Variants in SYT16 observed in about 807,000 individuals in gnomAD.
The protein encoded by SYT16 is synaptotagmin 16.
Under a neutral mutation model 61.4 loss-of-function variants are expected in SYT16, and 42 were observed. That is an observed-to-expected ratio of 0.68 (90% CI 0.53 to 0.89). SYT16 has a LOEUF of 0.89. SYT16 is among the 40% of genes least tolerant of loss of function. The pLI is 0.00. For missense variants in SYT16, 804 were observed against 807.3 expected (o/e 1.00, Z 0.05); for synonymous variants, 314 against 302.3 (o/e 1.04, Z -0.40).
intron 3 of SYT16, among the ~76,000 whole-genome samples, chr14:62,001,131 C>A (rs2140654816): frequency 6.6e-6 from 1 of 152,200 alleles, no homozygotes; most frequent in South Asian, 2.1e-4. Context: ...ATATTTACCT[C>A]ATTTATGCCA....
chr14:62,077,731 T>C (rs548488603), intron 5 of SYT16: 2 of 152,318 alleles, frequency 1.3e-5, no homozygotes, highest in Admixed American at 1.3e-4. Context: ...CATTCACAAA[T>C]CTTTTTCTCA....
At chr14:61,896,474 G>A (rs2048331504) in intron 1 of SYT16, among the ~76,000 whole-genome samples, 1 of 152,166 alleles carries the variant, frequency 6.6e-6, no homozygotes. Flanking sequence ...ACTAGTTGAA[G>A]GCTCAAGTAT....
rs1595430390 is a variant in SYT16 at position 62,108,596 on chromosome 14, T to G, written c.*7889T>G. 1 of 152,210 alleles carries G rather than the reference T, an allele frequency of 6.6e-6. No homozygotes were observed. Among genetic ancestry groups the G allele is most frequent in the East Asian group, 1.9e-4 (1 of 5,202 alleles). The allele number at this position is 152,210 out of a possible 1,614,324, so 9.4% of individuals were successfully genotyped here. The stretch of plus-strand genomic sequence containing the variant: ...ATTTCCTTGTGGGTTATGATAATCT[T>G]TATTAATTCACAACTCTACCAAATT... On this transcript the variant is annotated 3_prime_UTR_variant, in exon 8 of 8. Transcript: ENST00000683842.
intron 3 of SYT16, among the ~76,000 whole-genome samples, chr14:62,067,615 G>A (rs991408243): frequency 6.6e-6 from 1 of 152,218 alleles, no homozygotes; most frequent in Admixed American, 6.5e-5. Flanking sequence ...GTGTGTTGGT[G>A]AGGGTATGGA....
intron 3 of SYT16, among the ~76,000 whole-genome samples, chr14:62,008,029 A>G (rs1275806084): frequency 2.6e-5 from 4 of 152,054 alleles, no homozygotes; most frequent in Admixed American, 6.6e-5. Flanking sequence ...GGAACTACAA[A>G]ATCAATAAGG....
intron 2 of SYT16, among the ~76,000 whole-genome samples, chr14:61,974,130 G>C (rs1451547735): frequency 6.6e-6 from 1 of 152,176 alleles, no homozygotes; most frequent in Non-Finnish European, 1.5e-5. Flanking sequence ...CGCTGCTACA[G>C]TTCCTCCAGT....
intron 1 of SYT16, among the ~76,000 whole-genome samples, chr14:61,964,988 A>C (rs1352471957): frequency 6.6e-6 from 1 of 152,124 alleles, no homozygotes; most frequent in Admixed American, 6.6e-5. Context: ...AAGAAACTAC[A>C]GTATAGTGTA....
At chr14:61,863,814 A>ATTT (rs61449328) in intron 1 of SYT16, among the ~76,000 whole-genome samples, 29 of 148,342 alleles carry the variant, frequency 2.0e-4, no homozygotes, top group African/African-American at 7.1e-4. Flanking sequence ...GTCTAGATTC[A>ATTT]TTTTTTTTTT....
intron 1 of SYT16, chr14:61,864,969 C>T (rs1406006157): frequency 7.4e-7 from 1 of 1,357,578 alleles, no homozygotes; most frequent in Admixed American, 1.7e-5. Context: ...AAAATTGCTG[C>T]GAGTCTGGGC....
At chr14:62,086,621 A>G (rs369470746) in intron 7 of SYT16, among the ~76,000 whole-genome samples, 157 of 152,354 alleles carry the variant, frequency 1.0e-3, no homozygotes, top group African/African-American at 3.7e-3. Flanking sequence ...TACATGCAAA[A>G]CTGTGATGTT....
At chr14:62,024,176 A>T (rs1428190711) in intron 3 of SYT16, among the ~76,000 whole-genome samples, 1 of 152,128 alleles carries the variant, frequency 6.6e-6, no homozygotes, top group African/African-American at 2.4e-5. Context: ...TAATATTTGG[A>T]CAAAGGTGGA....
intron 7 of SYT16, among the ~76,000 whole-genome samples, chr14:62,090,535 A>G (rs1326643555): frequency 6.6e-6 from 1 of 152,208 alleles, no homozygotes; most frequent in Non-Finnish European, 1.5e-5. Context: ...ATCCTGGTCC[A>G]GTTTTTGTTA....
At chr14:62,053,505 T>A (rs907559041) in intron 3 of SYT16, among the ~76,000 whole-genome samples, 1 of 152,252 alleles carries the variant, frequency 6.6e-6, no homozygotes, top group Non-Finnish European at 1.5e-5. Flanking sequence ...AGCTCATCTC[T>A]TATAACAAAT....
intron 1 of SYT16, among the ~76,000 whole-genome samples, chr14:61,934,527 C>T (rs367699320): frequency 6.6e-6 from 1 of 152,220 alleles, no homozygotes; most frequent in African/African-American, 2.4e-5. Flanking sequence ...TGGGACTACA[C>T]TTGTGGGTAG....
intron 1 of SYT16, among the ~76,000 whole-genome samples, chr14:61,901,954 G>T (rs923592835): frequency 1.3e-5 from 2 of 151,890 alleles, no homozygotes; most frequent in South Asian, 4.2e-4. Context: ...TAGAGACAAG[G>T]TTTCGCTATG....
chr14:62,075,425 C>G (rs764288641), intron 5 of SYT16, 34 bp downstream of exon 5: 1 of 1,566,548 alleles, frequency 6.4e-7, no homozygotes, highest in African/African-American at 1.4e-5. Flanking sequence ...TTCATTGGTT[C>G]CCTTTCCCCT....
At chr14:62,040,334 G>C (rs1226275798) in intron 3 of SYT16, among the ~76,000 whole-genome samples, 1 of 152,158 alleles carries the variant, frequency 6.6e-6, no homozygotes, top group Non-Finnish European at 1.5e-5. Flanking sequence ...ATGCTAGAGG[G>C]TCAAAGTTAA....
chr14:61,924,601 T>A (rs1287436740), intron 1 of SYT16, among the ~76,000 whole-genome samples: 1 of 152,232 alleles, frequency 6.6e-6, no homozygotes, highest in Non-Finnish European at 1.5e-5. Flanking sequence ...TAGTTAGTGC[T>A]ATCGGCTACA....
chr14:62,100,781 T>C lies in SYT16; in HGVS notation c.*74T>C. The C allele has an allele frequency of 6.8e-7, 1 of 1,477,124 alleles. No homozygotes were observed. The highest frequency in any genetic ancestry group is 9.1e-7 in the Non-Finnish European group (1 of 1,099,498). 91.5% of individuals were successfully genotyped at this position (1,477,124 alleles called of 1,614,324 possible). A position where few individuals can be genotyped will look rare whatever the true frequency, so the allele number is the denominator to read the frequency against. On this transcript the variant is annotated 3_prime_UTR_variant, in exon 8 of 8. Coordinates refer to ENST00000683842, the MANE Select transcript of SYT16 (RefSeq NM_001367656.1). The stretch of plus-strand genomic sequence containing the variant: ...TGCTGTCTACTGACACTAAGTGTCC[T>C]GGCAAGGGTTTCAGGGTTTCAAAAA...
Sources: gnomAD v4.1 joint callset for allele counts (sites outside exome capture counted in the v4.1 genomes callset) on GRCh38, gnomAD v4.1.1 for gene constraint, MANE v1.5 for transcripts, NCBI Gene and HGNC (gene_info 2026-07-23, HGNC 2026-07-21) for gene names.